SLC8A3: variants seen among roughly 807,000 people sequenced by gnomAD.
SLC8A3 encodes sodium/calcium exchanger 3.
In SLC8A3, 37 loss-of-function variants were observed where a neutral mutation model predicts 65.4. That is an observed-to-expected ratio of 0.57 (90% CI 0.44 to 0.74). The LOEUF (loss-of-function observed/expected upper bound fraction) is 0.74, where lower values mean the gene tolerates loss of function less well. Ranked by LOEUF, SLC8A3 falls within the 30% of genes least tolerant of loss-of-function variation. The pLI, the probability that SLC8A3 is intolerant of heterozygous loss-of-function variation, is 0.00. For missense variants in SLC8A3, 1,112 were observed against 1,172.1 expected (o/e 0.95, Z 0.75); for synonymous variants, 461 against 444.5 (o/e 1.04, Z -0.47).
At chr14:70,060,322 C>T (rs72729835) in intron 3 of SLC8A3, 9,225 of 243,276 alleles carry the variant, frequency 0.038, 246 homozygotes, top group Admixed American at 0.056. Flanking sequence ...CCATCCCAGA[C>T]CCCCCCACAT....
chr14:70,048,840 G>T lies in SLC8A3; in HGVS notation c.2316C>A (p.His772Gln). 1 of 1,614,170 alleles carries T rather than the reference G, an allele frequency of 6.2e-7. No homozygotes were observed. The highest frequency in any genetic ancestry group is 8.5e-7 in the Non-Finnish European group (1 of 1,180,024). ...CTTTGAGACCAATGGTGCAGCCGAA[G>T]TGCGAGGCCAGGTCCCCAATGATGG... is the stretch of plus-strand genomic sequence containing the variant. Reference protein sequence around the residue: ...LTAIIGDLASHFGCTIGLKDS... With the variant: ...LTAIIGDLASQFGCTIGLKDS... Residue 772 changes from histidine (H) to glutamine (Q), a missense_variant, in exon 6 of 7, where the codon CAC (histidine) becomes CAA (glutamine). Coordinates refer to ENST00000356921, the MANE Select transcript of SLC8A3 (RefSeq NM_182932.3).
chr14:70,071,464 C>T (rs8006790), intron 2 of SLC8A3, among the ~76,000 whole-genome samples: 52,556 of 152,040 alleles, frequency 0.35, 9,155 homozygotes, highest in East Asian at 0.44. Context: ...TGAAGATGAA[C>T]GGTGTCTTGT....
rs145353639 is a variant in SLC8A3 at position 70,101,159 on chromosome 14, G to A, written c.1785-40220C>T. Among the ~76,000 whole-genome samples the A allele has an allele frequency of 4.1e-3, 625 of 152,280 alleles. 4 individuals carry two copies. The highest frequency in any genetic ancestry group is 0.014 in the African/African-American group (582 of 41,558). On this transcript the variant is annotated intron_variant, in intron 2 of 6. Transcript: ENST00000356921. ...AAAGAGGCAGGATTTCTGTTCTCCTGGACTGTGGATTCTGTGAGGGCAGAC... is the reference window on the plus strand; with the variant it reads ...AAAGAGGCAGGATTTCTGTTCTCCTAGACTGTGGATTCTGTGAGGGCAGAC...
At position 70,052,012 on chromosome 14, in the gene SLC8A3, A is replaced by G. The variant is rs1208813475; in HGVS notation, c.1991T>C (p.Ile664Thr). Residue 664 changes from isoleucine (I) to threonine (T), a missense_variant, in exon 4 of 7, where the codon ATT becomes ACT. Ile to Thr is a moderately conservative substitution (Grantham distance 89). Coordinates refer to ENST00000356921, the MANE Select transcript of SLC8A3 (RefSeq NM_182932.3). ...GACCTTGAACTCATAGGACTCTTCAATGATGACTTCTAGTTTGGGGTGTTC... is the reference window on the plus strand; with the variant it reads ...GACCTTGAACTCATAGGACTCTTCAGTGATGACTTCTAGTTTGGGGTGTTC... ...LGEHPKLEVI[I>T]EESYEFKTTV... 5 of 1,613,396 alleles carry G rather than the reference A, an allele frequency of 3.1e-6. No individual in the cohort carries two copies. The highest frequency in any genetic ancestry group is 2.2e-5 in the East Asian group (1 of 44,794).
At chr14:70,063,225 C>T (rs2139848191) in intron 2 of SLC8A3, among the ~76,000 whole-genome samples, 1 of 152,324 alleles carries the variant, frequency 6.6e-6, no homozygotes, top group South Asian at 2.1e-4. Flanking sequence ...CCTGTACTTT[C>T]AGCTTCCTCA....
intron 2 of SLC8A3, among the ~76,000 whole-genome samples, chr14:70,075,271 C>T (rs545993083): frequency 9.9e-5 from 15 of 152,256 alleles, no homozygotes; most frequent in African/African-American, 2.6e-4. Flanking sequence ...GCTCTCTGTT[C>T]GTCTCTTCCT....
intron 2 of SLC8A3, among the ~76,000 whole-genome samples, chr14:70,147,968 C>G (rs1896037017): frequency 6.6e-6 from 1 of 152,200 alleles, no homozygotes; most frequent in African/African-American, 2.4e-5. Context: ...ATACCCTGTA[C>G]AGACAGGATT....
intron 3 of SLC8A3, among the ~76,000 whole-genome samples, chr14:70,055,170 G>A (rs979448054): frequency 3.9e-5 from 6 of 151,964 alleles, no homozygotes; most frequent in Non-Finnish European, 7.4e-5. Context: ...TATATTTCCA[G>A]CCAGAACACT....
Position 70,162,495 on chromosome 14 carries a change from T to G in SLC8A3, c.1784+4144A>C, listed in dbSNP as rs1447477546. 3.3e-5 allele frequency among the ~76,000 whole-genome samples: 5 copies of G among 152,326 alleles called. No homozygotes were observed. In the East Asian group the frequency reaches 9.6e-4, roughly 29 times the overall value. ...ATGCTTTTTTTCTTTGAAGGAGGCC[T>G]GCACTATTTAATTATAATAGATCTT... On this transcript the variant is annotated intron_variant, in intron 2 of 6. Coordinates refer to ENST00000356921, the MANE Select transcript of SLC8A3 (RefSeq NM_182932.3).
At chr14:70,153,119 G>A (rs1455556272) in intron 2 of SLC8A3, among the ~76,000 whole-genome samples, 1 of 152,172 alleles carries the variant, frequency 6.6e-6, no homozygotes, top group Non-Finnish European at 1.5e-5. Context: ...AATGGTGGGT[G>A]CTCCCTGGTC....
At chr14:70,148,717 A>G (rs1896087759) in intron 2 of SLC8A3, among the ~76,000 whole-genome samples, 1 of 152,226 alleles carries the variant, frequency 6.6e-6, no homozygotes, top group Non-Finnish European at 1.5e-5. Context: ...GATGTACACA[A>G]ACAGCAATAC....
At chr14:70,053,160 G>C (rs893383381) in intron 3 of SLC8A3, among the ~76,000 whole-genome samples, 1 of 152,200 alleles carries the variant, frequency 6.6e-6, no homozygotes, top group Non-Finnish European at 1.5e-5. Context: ...AACACAGAAG[G>C]CAATCCTAAA....
chr14:70,152,143 T>A (rs1458607191), intron 2 of SLC8A3, among the ~76,000 whole-genome samples: 1 of 152,108 alleles, frequency 6.6e-6, no homozygotes. Context: ...GCTACTGGTT[T>A]CCAGTGGCGT....
intron 2 of SLC8A3, among the ~76,000 whole-genome samples, chr14:70,127,695 C>A (rs528886505): frequency 6.6e-6 from 1 of 152,102 alleles, no homozygotes; most frequent in Admixed American, 6.5e-5. Flanking sequence ...CCCTGTTCAA[C>A]CCTCTATTTT....
At chr14:70,176,787 C>T (rs1446394205) in intron 1 of SLC8A3, among the ~76,000 whole-genome samples, 1 of 152,178 alleles carries the variant, frequency 6.6e-6, no homozygotes, top group Non-Finnish European at 1.5e-5. Context: ...TTGGTTTATA[C>T]TTGTACTCAT....
At chr14:70,054,045 T>G (rs892272969) in intron 3 of SLC8A3, among the ~76,000 whole-genome samples, 28 of 152,308 alleles carry the variant, frequency 1.8e-4, no homozygotes, top group African/African-American at 6.3e-4. Context: ...TGGCAGGTGA[T>G]CTAGATATTC....
intron 2 of SLC8A3, among the ~76,000 whole-genome samples, chr14:70,142,629 A>G (rs2140276048): frequency 6.6e-6 from 1 of 152,342 alleles, no homozygotes; most frequent in East Asian, 1.9e-4. Flanking sequence ...ACTTAAGTCC[A>G]TGCATTACCT....
At chr14:70,147,308 GT>G (rs1241900030) in intron 2 of SLC8A3, among the ~76,000 whole-genome samples, 2 of 152,072 alleles carry the variant, frequency 1.3e-5, no homozygotes, top group Non-Finnish European at 2.9e-5. Context: ...TGATCTTATT[GT>G]CCTTTTATTC....
chr14:70,106,810 G>A (rs544871806), intron 2 of SLC8A3, among the ~76,000 whole-genome samples: 1 of 152,244 alleles, frequency 6.6e-6, no homozygotes, highest in South Asian at 2.1e-4. Flanking sequence ...CAAATTGTGA[G>A]GATTTGAGAA....
Sources: allele counts gnomAD v4.1 joint callset (sites outside exome capture counted in the v4.1 genomes callset), GRCh38; gene constraint gnomAD v4.1.1; transcripts MANE v1.5; gene names NCBI Gene and HGNC (gene_info 2026-07-23, HGNC 2026-07-21).